AUTS2: variants seen among roughly 807,000 people sequenced by gnomAD.
AUTS2 encodes activator of transcription and developmental regulator AUTS2.
Under a neutral mutation model 112.4 loss-of-function variants are expected in AUTS2, and 17 were observed. That is an observed-to-expected ratio of 0.15 (90% CI 0.10 to 0.23). The LOEUF (loss-of-function observed/expected upper bound fraction) is 0.23. AUTS2 is among the 10% of genes least tolerant of loss of function. The pLI is 1.00. For synonymous variants in AUTS2, 751 were observed against 702.7 expected (o/e 1.07, Z -1.09); for missense variants, 1,510 against 1,701.6 (o/e 0.89, Z 1.98).
intron 2 of AUTS2, among the ~76,000 whole-genome samples, chr7:69,909,867 CCGAATAGTTG>C (rs1795285941): frequency 6.6e-6 from 1 of 151,984 alleles, no homozygotes; most frequent in Non-Finnish European, 1.5e-5. Flanking sequence ...AAATAATCTA[CCGAATAGTTG>C]CTAATGAAAT....
rs145677084 is a variant in AUTS2 at position 70,790,849 on chromosome 7, C to A, written c.3633C>A (p.Thr1211=). The part of the protein sequence containing the change: ...AGNQNGLLNK[T]PPTAALSAPP... The stretch of plus-strand genomic sequence containing the variant: ...ACCAGAACGGACTCCTCAACAAGAC[C>A]CCTCCGACAGCAGCGCTGAGCGCAC... The change falls in exon 19 of 19, where the codon ACC becomes ACA. Residue 1211 remains threonine (T), a synonymous_variant. Coordinates refer to ENST00000342771, the MANE Select transcript of AUTS2 (RefSeq NM_015570.4). This position sits in a 1 kb window ranked among gnomAD's most constrained non-coding sequence, Gnocchi z 7.6. 6 of 1,607,102 alleles carry A rather than the reference C, an allele frequency of 3.7e-6. No homozygotes were observed. The African/African-American group carries it at 6.7e-5, about 18-fold the overall frequency.
At chr7:70,656,209 T>C (rs1806762153) in intron 5 of AUTS2, among the ~76,000 whole-genome samples, 1 of 152,148 alleles carries the variant, frequency 6.6e-6, no homozygotes, top group African/African-American at 2.4e-5. Context: ...TTTTTCTTAG[T>C]AAAATCATAT....
At chr7:70,233,111 AC>A (rs1812144138) in intron 4 of AUTS2, among the ~76,000 whole-genome samples, 1 of 152,236 alleles carries the variant, frequency 6.6e-6, no homozygotes, top group Non-Finnish European at 1.5e-5. Flanking sequence ...CATATTTCAT[AC>A]TGGGTTATGG....
rs956131236 is a variant in AUTS2, at chr7:70,547,040, G to C, written c.690+111259G>C. On this transcript the variant is annotated intron_variant, in intron 5 of 18. Transcript: ENST00000342771. ...GCCGTAATATTCACCCGTACTAAGT[G>C]TATAATTCAGTGATTTTTTAGTAAA... Among the ~76,000 whole-genome samples, 9 of 152,240 alleles carry C rather than the reference G, an allele frequency of 5.9e-5. No homozygotes were observed. In the East Asian group the frequency reaches 7.7e-4, roughly 13 times the overall value.
At chr7:70,051,029 G>A (rs1041039689) in intron 2 of AUTS2, among the ~76,000 whole-genome samples, 14 of 152,188 alleles carry the variant, frequency 9.2e-5, no homozygotes, top group Non-Finnish European at 1.9e-4. Flanking sequence ...TTCATAAAAT[G>A]AGAAGAAGCT....
chr7:70,276,908 G>C (rs1384893026), intron 4 of AUTS2, among the ~76,000 whole-genome samples: 1 of 152,128 alleles, frequency 6.6e-6, no homozygotes, highest in East Asian at 1.9e-4. Context: ...GTTGGTAACT[G>C]GCCTTCAAAA....
At chr7:70,486,908 C>CCAAA (rs1554410189) in intron 5 of AUTS2, among the ~76,000 whole-genome samples, 1 of 118,766 alleles carries the variant, frequency 8.4e-6, no homozygotes, top group African/African-American at 3.3e-5. Flanking sequence ...CCCCCCCCCC[C>CCAAA]AAAAAAAAAG....
chr7:69,706,359 G>T (rs1282702647), intron 1 of AUTS2, among the ~76,000 whole-genome samples: 1 of 152,096 alleles, frequency 6.6e-6, no homozygotes, highest in East Asian at 1.9e-4. Flanking sequence ...TATCTGTTCT[G>T]TTAGTAAGTG....
intron 4 of AUTS2, among the ~76,000 whole-genome samples, chr7:70,371,130 C>T (rs1230901325): frequency 6.6e-6 from 1 of 152,112 alleles, no homozygotes; most frequent in Non-Finnish European, 1.5e-5. Context: ...GGTTGCTATT[C>T]TCATTCTAAC....
At chr7:70,261,444 G>A (rs548897302) in intron 4 of AUTS2, among the ~76,000 whole-genome samples, 276 of 152,272 alleles carry the variant, frequency 1.8e-3, no homozygotes, top group Non-Finnish European at 2.9e-3. Flanking sequence ...TCATCAAACT[G>A]TATACTTCAA....
intron 4 of AUTS2, among the ~76,000 whole-genome samples, chr7:70,251,506 T>G (rs6971237): frequency 0.22 from 33,238 of 152,134 alleles, 3,610 homozygotes; most frequent in Middle Eastern, 0.32. Context: ...GGATTGATAT[T>G]TTTCATCAGT....
intron 1 of AUTS2, among the ~76,000 whole-genome samples, chr7:69,722,847 C>G (rs1799034072): frequency 6.9e-6 from 1 of 144,834 alleles, no homozygotes; most frequent in African/African-American, 2.5e-5. Context: ...TCTGGAATTG[C>G]TTTTTTTTTT....
intron 5 of AUTS2, among the ~76,000 whole-genome samples, chr7:70,652,402 T>C (rs1220527870): frequency 6.6e-6 from 1 of 152,194 alleles, no homozygotes; most frequent in Non-Finnish European, 1.5e-5. Flanking sequence ...AAAATGGAAT[T>C]TACTTGGCAG....
intron 3 of AUTS2, among the ~76,000 whole-genome samples, chr7:70,131,316 G>T (rs192441852): frequency 2.0e-5 from 3 of 152,048 alleles, no homozygotes; most frequent in Non-Finnish European, 4.4e-5. Context: ...GCACAGTATC[G>T]CATGCCTGTA....
At chr7:70,589,230 A>T (rs1050914045) in intron 5 of AUTS2, among the ~76,000 whole-genome samples, 1 of 152,148 alleles carries the variant, frequency 6.6e-6, no homozygotes, top group African/African-American at 2.4e-5. Context: ...CTGCAGGGAG[A>T]ACGGGTCTGC....
intron 5 of AUTS2, among the ~76,000 whole-genome samples, chr7:70,445,383 C>G (rs978856138): frequency 2.0e-5 from 3 of 152,170 alleles, no homozygotes; most frequent in African/African-American, 7.2e-5. Flanking sequence ...GTCTCACCTA[C>G]TTGTGCTGCA....
intron 4 of AUTS2, among the ~76,000 whole-genome samples, chr7:70,392,026 C>T (rs138389165): frequency 3.6e-3 from 552 of 152,254 alleles, no homozygotes; most frequent in Non-Finnish European, 5.9e-3. Context: ...AAGTTTCCCC[C>T]GGGAAATTCT....
intron 5 of AUTS2, 72 bp from the exon 6 acceptor site, chr7:70,698,489 TTTAAAATA>T: frequency 8.0e-7 from 1 of 1,249,572 alleles, no homozygotes; most frequent in Non-Finnish European, 1.1e-6. Flanking sequence ...AGTCAACTGA[TTTAAAATA>T]ATGGGAATGT....
chr7:70,762,293 A>C lies in AUTS2; in HGVS notation c.743-577A>C, dbSNP rs143502435. Reference sequence around the variant, plus strand: ...AGGAAAACATTCATTTTCAGAATGTAGTCTAGGCTGCTGTTTTTTCTCATA... The same window carrying C: ...AGGAAAACATTCATTTTCAGAATGTCGTCTAGGCTGCTGTTTTTTCTCATA... On this transcript the variant is annotated intron_variant, in intron 6 of 18. Transcript: ENST00000342771. Among the ~76,000 whole-genome samples the C allele has an allele frequency of 1.4e-3, 211 of 152,304 alleles. 1 individual carries two copies. The highest frequency in any genetic ancestry group is 4.8e-3 in the African/African-American group (198 of 41,566).
Sources: gnomAD v4.1 joint callset for allele counts (sites outside exome capture counted in the v4.1 genomes callset) on GRCh38, gnomAD v4.1.1 for gene constraint, Gnocchi (gnomAD v3.1) non-coding constraint, MANE v1.5 for transcripts, NCBI Gene and HGNC (gene_info 2026-07-23, HGNC 2026-07-21) for gene names.